Variants in MDFIC observed in about 807,000 individuals in gnomAD.
MDFIC encodes the protein MyoD family inhibitor domain containing.
In MDFIC, 17 loss-of-function variants were observed where a neutral mutation model predicts 23.2. The observed-to-expected ratio is 0.73, with a 90% CI of 0.50 to 1.10. The LOEUF (loss-of-function observed/expected upper bound fraction) is 1.10. Ranked by LOEUF, MDFIC falls within the 50% of genes least tolerant of loss-of-function variation. The pLI is 0.00. For missense variants in MDFIC, 356 were observed against 316.6 expected, an observed-to-expected ratio of 1.12 and a Z score of -0.95; for synonymous variants, 120 against 115.2, an observed-to-expected ratio of 1.04 and a Z score of -0.27.
chr7:114,951,902 A>G (rs1792781911), intron 3 of MDFIC, among the ~76,000 whole-genome samples: 1 of 152,166 alleles, frequency 6.6e-6, no homozygotes, highest in Middle Eastern at 3.2e-3. Context: ...GCAGTGCAGA[A>G]TGAGAATGCA....
chr7:115,014,288 G>A lies in MDFIC; in HGVS notation c.494-1400G>A, dbSNP rs1188382758. 17 of 985,422 alleles carry A rather than the reference G, an allele frequency of 1.7e-5. No homozygotes were observed. In the Admixed American group the frequency reaches 6.1e-4, roughly 36 times the overall value. 61.0% of individuals were successfully genotyped at this position (985,422 alleles called of 1,614,324 possible). A position where few individuals can be genotyped will look rare whatever the true frequency, so the allele number is the denominator to read the frequency against. On this transcript the variant is annotated intron_variant, in intron 4 of 4. Transcript: ENST00000393486. ...AAGAGACTGCCGTAGGTACCCTGGT[G>A]TTTGTTTTTCTTTACCTGAAGCATT...
intron 4 of MDFIC, among the ~76,000 whole-genome samples, chr7:114,981,427 T>C (rs961025687): frequency 2.0e-5 from 3 of 152,176 alleles, no homozygotes; most frequent in Admixed American, 6.5e-5. Context: ...CACCGGTATA[T>C]GAATGAGATA....
In MDFIC at chr7:115,013,941, A is replaced by G. The variant is rs1791737630; in HGVS notation, c.494-1747A>G. On this transcript the variant is annotated intron_variant, in intron 4 of 4. Transcript: ENST00000393486. ...ATTAGGGGAAGACGGAGAGACCTGAAAACTCTCACAACTCTGTTTTTGTTT... is the reference window on the plus strand; with the variant it reads ...ATTAGGGGAAGACGGAGAGACCTGAGAACTCTCACAACTCTGTTTTTGTTT... 3 of 963,346 alleles carry G rather than the reference A, an allele frequency of 3.1e-6. No homozygotes were observed. In the African/African-American group the frequency reaches 5.3e-5, roughly 17 times the overall value. 59.7% of individuals were successfully genotyped at this position (963,346 alleles called of 1,614,324 possible).
chr7:114,972,053 G>T (rs1404769132), intron 3 of MDFIC, among the ~76,000 whole-genome samples: 1 of 152,136 alleles, frequency 6.6e-6, no homozygotes, highest in Admixed American at 6.6e-5. Flanking sequence ...AGGGTTAGAG[G>T]CTGGGAAGCT....
At chr7:114,969,816 G>A (rs1793173823) in intron 3 of MDFIC, among the ~76,000 whole-genome samples, 1 of 152,118 alleles carries the variant, frequency 6.6e-6, no homozygotes. Context: ...ACAAATCAAA[G>A]TAACATCCAG....
At chr7:114,932,312 G>A (rs1181961738) in intron 2 of MDFIC, among the ~76,000 whole-genome samples, 1 of 152,094 alleles carries the variant, frequency 6.6e-6, no homozygotes, top group Non-Finnish European at 1.5e-5. Context: ...ACTGGTAGTG[G>A]GTGTGGAAAA....
At chr7:114,933,239 TAG>T (rs771240515) in intron 2 of MDFIC, among the ~76,000 whole-genome samples, 121 of 149,654 alleles carry the variant, frequency 8.1e-4, no homozygotes, top group Non-Finnish European at 1.4e-3. Context: ...GGGAAGATGA[TAG>T]AGTGTTCCAT....
At position 114,942,268 on chromosome 7, in the gene MDFIC, A is replaced by C; in HGVS notation, c.95-7A>C. 1 of 1,450,466 alleles carries C rather than the reference A, an allele frequency of 6.9e-7. No homozygotes were observed. The highest frequency in any genetic ancestry group is 1.4e-5 in the South Asian group (1 of 73,378). The allele number at this position is 1,450,466 out of a possible 1,614,324, so 89.8% of individuals were successfully genotyped here. A position where few individuals can be genotyped will look rare whatever the true frequency, so the allele number is the denominator to read the frequency against. Reference sequence around the variant, plus strand: ...CAATTATATTAAATGTATCTTTTTTAATTCAGGAAAATGTGATAAAGACAA... The same window carrying C: ...CAATTATATTAAATGTATCTTTTTTCATTCAGGAAAATGTGATAAAGACAA... On this transcript the variant is annotated splice_polypyrimidine_tract_variant and splice_region_variant and intron_variant, in intron 2 of 4. Transcript: ENST00000393486.
At chr7:114,969,863 G>A (rs1397830585) in intron 3 of MDFIC, among the ~76,000 whole-genome samples, 1 of 152,192 alleles carries the variant, frequency 6.6e-6, no homozygotes, top group Non-Finnish European at 1.5e-5. Flanking sequence ...TTATTCCACA[G>A]ACCTCTAGGT....
intron 3 of MDFIC, among the ~76,000 whole-genome samples, chr7:114,974,245 T>C (rs1165114193): frequency 1.3e-5 from 2 of 152,130 alleles, no homozygotes; most frequent in Non-Finnish European, 2.9e-5. Flanking sequence ...TAACTTTTCA[T>C]CTTCCTTTTA....
chr7:114,923,663 C>A (rs1792136157), intron 2 of MDFIC: 2 of 1,415,694 alleles, frequency 1.4e-6, no homozygotes, highest in Non-Finnish European at 1.8e-6. Context: ...GAAACACTTT[C>A]CAAGAATGAA....
chr7:114,952,857 T>C (rs1234045920), intron 3 of MDFIC, among the ~76,000 whole-genome samples: 1 of 152,194 alleles, frequency 6.6e-6, no homozygotes, highest in Non-Finnish European at 1.5e-5. Flanking sequence ...AGGCCTGTCT[T>C]TGCAGGTTAT....
At chr7:114,922,725 C>T in intron 1 of MDFIC, 89 bp downstream of exon 1, 4 of 1,354,794 alleles carry the variant, frequency 3.0e-6, no homozygotes, top group Non-Finnish European at 2.9e-6. Context: ...TCCAGCCCCT[C>T]CCCGCTGGGT....
chr7:114,969,222 C>T (rs548229229), intron 3 of MDFIC, among the ~76,000 whole-genome samples: 9 of 152,326 alleles, frequency 5.9e-5, no homozygotes, highest in African/African-American at 2.2e-4. Flanking sequence ...TATGCTTTTA[C>T]AGCAATTCCC....
At chr7:115,010,787 A>T (rs529797423) in intron 4 of MDFIC, among the ~76,000 whole-genome samples, 1 of 152,172 alleles carries the variant, frequency 6.6e-6, no homozygotes, top group East Asian at 1.9e-4. Flanking sequence ...TTTTAAATTT[A>T]TAGATTTGTT....
intron 2 of MDFIC, among the ~76,000 whole-genome samples, chr7:114,938,309 T>C (rs1244860097): frequency 6.6e-6 from 1 of 152,242 alleles, no homozygotes; most frequent in African/African-American, 2.4e-5. Context: ...TAAATACCTC[T>C]ATATTAATTA....
Sources: gnomAD v4.1 joint callset for allele counts (sites outside exome capture counted in the v4.1 genomes callset) on GRCh38, gnomAD v4.1.1 for gene constraint, MANE v1.5 for transcripts, NCBI Gene and HGNC (gene_info 2026-07-23, HGNC 2026-07-21) for gene names.